RASEF: variants seen among roughly 807,000 people sequenced by gnomAD.
RASEF encodes the protein ras and EF-hand domain-containing protein.
RASEF carries 68 observed loss-of-function variants against 90.1 expected under a neutral mutation model. The ratio of observed to expected loss-of-function variants is 0.75; its 90% CI spans 0.62 to 0.92. The LOEUF is 0.92. RASEF is among the 40% of genes least tolerant of loss of function. The pLI is 0.00. For missense variants in RASEF, 949 were observed against 937.2 expected, an observed-to-expected ratio of 1.01 and a Z score of -0.16; for synonymous variants, 331 against 345.2, an observed-to-expected ratio of 0.96 and a Z score of 0.46.
At chr9:83,158,830 AC>A in the RASEF span, among the ~76,000 whole-genome samples, 1 of 150,728 alleles carries the variant, frequency 6.6e-6, no homozygotes, top group Admixed American at 6.6e-5. Context: ...ACACAGACAT[AC>A]ACACACACAC....
At chr9:83,169,704 G>C in the RASEF span, among the ~76,000 whole-genome samples, 1 of 152,076 alleles carries the variant, frequency 6.6e-6, no homozygotes, top group Middle Eastern at 3.4e-3. Context: ...TAGTGATGTT[G>C]AGCATTTTTT....
chr9:83,182,775 A>T, the RASEF span, among the ~76,000 whole-genome samples: 1 of 152,190 alleles, frequency 6.6e-6, no homozygotes, highest in Non-Finnish European at 1.5e-5. Context: ...TTGGTGAAAA[A>T]AGTTAGATTC....
At chr9:83,108,233 C>T in the RASEF span, among the ~76,000 whole-genome samples, 1 of 151,994 alleles carries the variant, frequency 6.6e-6, no homozygotes, top group African/African-American at 2.4e-5. Context: ...GTGAATTATA[C>T]CTCAATAAGA....
chr9:83,085,013 A>G, the RASEF span, among the ~76,000 whole-genome samples: 1 of 152,184 alleles, frequency 6.6e-6, no homozygotes, highest in East Asian at 1.9e-4. Context: ...ATTCCAGGAA[A>G]TGAAAACTTA....
the RASEF span, among the ~76,000 whole-genome samples, chr9:83,123,975 G>T: frequency 3.3e-5 from 5 of 150,794 alleles, no homozygotes; most frequent in African/African-American, 1.2e-4. Context: ...CTTAGCCTTG[G>T]CAAACACCTT....
At chr9:83,045,974 C>T (rs1456956147) in intron 1 of RASEF, among the ~76,000 whole-genome samples, 1 of 151,566 alleles carries the variant, frequency 6.6e-6, no homozygotes, top group East Asian at 1.9e-4. Context: ...CCTTGCTCCA[C>T]TAACTAAGCA....
the RASEF span, among the ~76,000 whole-genome samples, chr9:83,079,146 G>GT: frequency 6.6e-6 from 1 of 152,120 alleles, no homozygotes; most frequent in African/African-American, 2.4e-5. Context: ...GTCCAGAATG[G>GT]TTTGCCTAGG....
chr9:83,123,354 T>G, the RASEF span, among the ~76,000 whole-genome samples: 1 of 152,038 alleles, frequency 6.6e-6, no homozygotes, highest in Non-Finnish European at 1.5e-5. Flanking sequence ...TGACTACTGC[T>G]TTCTTACCAG....
At chr9:83,029,289 C>G (rs1829600511) in intron 1 of RASEF, among the ~76,000 whole-genome samples, 1 of 151,958 alleles carries the variant, frequency 6.6e-6, no homozygotes, top group Admixed American at 6.6e-5. Flanking sequence ...ATCCACAGAC[C>G]AAGGAAACAC....
intron 12 of RASEF, among the ~76,000 whole-genome samples, chr9:82,999,586 G>C (rs998267665): frequency 1.3e-5 from 2 of 151,698 alleles, no homozygotes; most frequent in Admixed American, 1.3e-4. Context: ...CAATTCATCT[G>C]ATTGGCTAAG....
At chr9:83,027,499 G>A (rs755376427) in intron 1 of RASEF, among the ~76,000 whole-genome samples, 5 of 152,186 alleles carry the variant, frequency 3.3e-5, no homozygotes, top group Non-Finnish European at 7.4e-5. Flanking sequence ...TTTAGGAGCT[G>A]TATTCCAGGA....
the RASEF span, among the ~76,000 whole-genome samples, chr9:83,198,065 A>C: frequency 0.6 from 90,496 of 152,086 alleles, 27,256 homozygotes; most frequent in East Asian, 0.78. Flanking sequence ...GGTCTGAGAA[A>C]TATGCCTAGA....
chr9:83,111,707 G>A, the RASEF span, among the ~76,000 whole-genome samples: 7 of 151,406 alleles, frequency 4.6e-5, no homozygotes, highest in South Asian at 2.1e-4. Context: ...TCTGGTTTCC[G>A]AATATAATAT....
In RASEF at chr9:82,982,521, T is replaced by G; in HGVS notation, c.*156A>C. 1 of 582,694 alleles carries G rather than the reference T, an allele frequency of 1.7e-6. No homozygotes were observed. The highest frequency in any genetic ancestry group is 3.1e-6 in the Non-Finnish European group (1 of 320,678). The allele number at this position is 582,694 out of a possible 1,614,324, so 36.1% of individuals were successfully genotyped here. The stretch of plus-strand genomic sequence containing the variant: ...GAGACAAAACAAAGAAGAGCCAAAG[T>G]TCCAGAGGGACCTGAGAGCTGGGTT... On this transcript the variant is annotated 3_prime_UTR_variant, in exon 17 of 17. Coordinates refer to ENST00000376447, the MANE Select transcript of RASEF (RefSeq NM_152573.4).
chr9:83,031,517 C>T (rs573263314), intron 1 of RASEF, among the ~76,000 whole-genome samples: 18 of 152,268 alleles, frequency 1.2e-4, no homozygotes, highest in Admixed American at 1.1e-3. Flanking sequence ...TAGGCAAGTA[C>T]GTCCCTTTAG....
At chr9:83,067,155 A>G (rs936658382), upstream of RASEF, among the ~76,000 whole-genome samples, 2 of 152,186 alleles carry the variant, frequency 1.3e-5, no homozygotes, top group African/African-American at 2.4e-5. Context: ...ATGACTTAAC[A>G]CTGCAGTTAC....
At chr9:83,201,450 A>C in the RASEF span, among the ~76,000 whole-genome samples, 1 of 152,212 alleles carries the variant, frequency 6.6e-6, no homozygotes, top group Non-Finnish European at 1.5e-5. Context: ...AATGGAGGAG[A>C]CACTCCCAAA....
rs1156470062 is a variant in RASEF at position 83,063,035 on chromosome 9, G to A, written c.-168C>T. On this transcript the variant is annotated 5_prime_UTR_variant, in exon 1 of 17. Coordinates refer to ENST00000376447, the MANE Select transcript of RASEF (RefSeq NM_152573.4). ...GGGCGGGGCGAGGAACGTCGGGGGTGGCCGAGCGGCTCCCTTCGACGACGG... is the reference window on the plus strand; with the variant it reads ...GGGCGGGGCGAGGAACGTCGGGGGTAGCCGAGCGGCTCCCTTCGACGACGG... 4.4e-6 allele frequency: 3 copies of A among 688,622 alleles called. No individual in the cohort carries two copies. Among genetic ancestry groups the A allele is most frequent in the Non-Finnish European group, 6.6e-6 (3 of 456,688 alleles). 42.7% of individuals were successfully genotyped at this position (688,622 alleles called of 1,614,324 possible). A position where few individuals can be genotyped will look rare whatever the true frequency, so the allele number is the denominator to read the frequency against.
chr9:83,016,492 T>C (rs760742327), intron 3 of RASEF, among the ~76,000 whole-genome samples: 12 of 152,036 alleles, frequency 7.9e-5, no homozygotes, highest in Non-Finnish European at 1.3e-4. Flanking sequence ...TCTCTAAATT[T>C]ACTTTTCTTT....
Sources: allele counts gnomAD v4.1 joint callset (sites outside exome capture counted in the v4.1 genomes callset), GRCh38; gene constraint gnomAD v4.1.1; transcripts MANE v1.5; gene names NCBI Gene and HGNC (gene_info 2026-07-23, HGNC 2026-07-21).